The following KIAA0319L variants were observed in gnomAD, a reference collection of about 807,000 sequenced individuals.
KIAA0319L encodes the protein dyslexia-associated protein KIAA0319-like protein.
KIAA0319L carries 55 observed loss-of-function variants against 120.1 expected under a neutral mutation model. That is an observed-to-expected ratio of 0.46 (90% CI 0.37 to 0.57). The LOEUF (loss-of-function observed/expected upper bound fraction) is 0.57, where lower values mean the gene tolerates loss of function less well. KIAA0319L is among the 20% of genes least tolerant of loss of function. The pLI, the probability that KIAA0319L is intolerant of heterozygous loss-of-function variation, is 0.00. For missense variants in KIAA0319L, 1,049 were observed against 1,255.3 expected, an observed-to-expected ratio of 0.84 and a Z score of 2.48; for synonymous variants, 398 against 471.9, an observed-to-expected ratio of 0.84 and a Z score of 2.03.
chr1:35,484,789 TATATATATATATATA>T (rs1223586414), intron 3 of KIAA0319L, among the ~76,000 whole-genome samples: 3,106 of 67,646 alleles, frequency 0.046, 245 homozygotes, highest in East Asian at 0.23. Flanking sequence ...TATATATATA[TATATATATATATATA>T]TATTTTTTTT....
chr1:35,482,103 C>T (rs1014324085), intron 3 of KIAA0319L, among the ~76,000 whole-genome samples: 4 of 151,960 alleles, frequency 2.6e-5, no homozygotes, highest in Non-Finnish European at 5.9e-5. Flanking sequence ...GGATTACAGG[C>T]GTGAGCCACC....
intron 7 of KIAA0319L, among the ~76,000 whole-genome samples, chr1:35,465,934 C>T (rs1643232295): frequency 6.6e-6 from 1 of 152,162 alleles, no homozygotes; most frequent in Non-Finnish European, 1.5e-5. Flanking sequence ...TTGTCTTCCA[C>T]CATGATTGTG....
intron 6 of KIAA0319L, among the ~76,000 whole-genome samples, chr1:35,467,829 C>T (rs908776891): frequency 7.9e-5 from 12 of 152,072 alleles, no homozygotes; most frequent in Admixed American, 6.5e-4. Context: ...GCTGGGACTA[C>T]AGGCCTGCAC....
At chr1:35,454,253 C>G (rs772082636) in intron 11 of KIAA0319L, 109 bp downstream of exon 11, 37 of 1,101,768 alleles carry the variant, frequency 3.4e-5, no homozygotes, top group Non-Finnish European at 4.8e-5. Context: ...CTCTATGGAT[C>G]GGTGCCTTCT....
intron 2 of KIAA0319L, among the ~76,000 whole-genome samples, chr1:35,513,303 T>TTTC (rs1645549218): frequency 7.0e-6 from 1 of 143,490 alleles, no homozygotes; most frequent in Non-Finnish European, 1.5e-5. Context: ...TTTTTTTTTT[T>TTTC]TTTTCTGTCC....
intron 2 of KIAA0319L, among the ~76,000 whole-genome samples, chr1:35,529,618 C>G (rs999663327): frequency 6.6e-6 from 1 of 152,220 alleles, no homozygotes. Flanking sequence ...CCCTTCAGCA[C>G]TTTGAATATA....
chr1:35,548,943 C>T (rs1647090402), intron 2 of KIAA0319L, among the ~76,000 whole-genome samples: 1 of 152,190 alleles, frequency 6.6e-6, no homozygotes, highest in Admixed American at 6.5e-5. Flanking sequence ...GTTCAGGCAT[C>T]AGCTTCTCTA....
rs34021272 is a variant in KIAA0319L, at chr1:35,452,825, T to TCAAACAAA, written c.1913+724_1913+731dup. Among the ~76,000 whole-genome samples the TCAAACAAA allele has an allele frequency of 6.9e-3, 1,040 of 151,442 alleles. 9 individuals carry two copies. Among genetic ancestry groups the TCAAACAAA allele is most frequent in the African/African-American group, 0.016 (675 of 41,216 alleles). ...TTTCCACCCATCTCCAATGCCTTTG[T>TCAAACAAA]CAAACAAACAAACAAACAAACAAAC... On this transcript the variant is annotated intron_variant, in intron 12 of 20. Transcript: ENST00000325722.
chr1:35,521,227 A>G (rs557850155), intron 2 of KIAA0319L, among the ~76,000 whole-genome samples: 3 of 152,252 alleles, frequency 2.0e-5, no homozygotes, highest in South Asian at 2.1e-4. Context: ...AATCCCAGCA[A>G]CTGGGGGAGG....
In KIAA0319L at chr1:35,442,995, C is replaced by T. The variant is rs1402450023; in HGVS notation, c.2690G>A (p.Cys897Tyr). The T allele has an allele frequency of 1.2e-6, 2 of 1,614,078 alleles. No individual in the cohort carries two copies. Among genetic ancestry groups the T allele is most frequent in the Admixed American group, 1.7e-5 (1 of 60,000 alleles). ...GATACAGCGTTTGGTGAACGAGTCACAGTGGCCATGGTCGGAACAGTTCAG... is the reference window on the plus strand; with the variant it reads ...GATACAGCGTTTGGTGAACGAGTCATAGTGGCCATGGTCGGAACAGTTCAG... ...CQLNCSDHGHCDSFTKRCICD... is the reference protein window; with the variant it reads ...CQLNCSDHGHYDSFTKRCICD... Residue 897 changes from cysteine (C) to tyrosine (Y), a missense_variant, in exon 18 of 21, where the codon TGT becomes TAT. Cys to Tyr is a radical substitution (Grantham distance 194). Transcript: ENST00000325722.
intron 16 of KIAA0319L, among the ~76,000 whole-genome samples, 175 bp downstream of exon 16, chr1:35,447,998 T>C (rs1211057307): frequency 1.3e-5 from 2 of 152,208 alleles, no homozygotes; most frequent in African/African-American, 2.4e-5. Flanking sequence ...AAGTGTCTAG[T>C]ACAGCGCATG....
chr1:35,528,091 T>C (rs1210635714), intron 2 of KIAA0319L, among the ~76,000 whole-genome samples: 1 of 152,186 alleles, frequency 6.6e-6, no homozygotes, highest in Non-Finnish European at 1.5e-5. Flanking sequence ...TTAAGAAATT[T>C]TTTTTCTTCT....
chr1:35,489,849 T>C (rs1644527133), intron 3 of KIAA0319L, among the ~76,000 whole-genome samples: 1 of 151,778 alleles, frequency 6.6e-6, no homozygotes, highest in African/African-American at 2.4e-5. Flanking sequence ...GTATTTTGAG[T>C]AGAGAAAGGG....
At chr1:35,529,665 G>A (rs1010947208) in intron 2 of KIAA0319L, among the ~76,000 whole-genome samples, 1 of 152,136 alleles carries the variant, frequency 6.6e-6, no homozygotes, top group African/African-American at 2.4e-5. Context: ...GGTTTCTGCT[G>A]AGAAATCTGC....
chr1:35,514,771 G>A (rs569562890), intron 2 of KIAA0319L, among the ~76,000 whole-genome samples: 58 of 152,240 alleles, frequency 3.8e-4, no homozygotes, highest in African/African-American at 1.3e-3. Context: ...AAGAAACGTG[G>A]ACTCCCACAC....
Position 35,450,500 on chromosome 1 carries a change from T to C in KIAA0319L, c.2072A>G (p.Lys691Arg), listed in dbSNP as rs1641979819. Residue 691 changes from lysine to arginine, a missense_variant, in exon 14 of 21, where the codon AAA becomes AGA. Lys to Arg is a conservative substitution (Grantham distance 26). Transcript: ENST00000325722. ...VNVIVKEEIN[K>R]PPIAKITGNV... ...CCCAGTTATCTTGGCTATAGGTGGT[T>C]TGTTTATTTCTAATCAAAAAGAAAT... 2 of 1,611,974 alleles carry C rather than the reference T, an allele frequency of 1.2e-6. No homozygotes were observed. The highest frequency in any genetic ancestry group is 1.3e-5 in the African/African-American group (1 of 74,886).
In KIAA0319L at chr1:35,479,089, T is replaced by G; in HGVS notation, c.790A>C (p.Thr264Pro). 1.2e-6 allele frequency: 2 copies of G among 1,614,158 alleles called. No homozygotes were observed. The highest frequency in any genetic ancestry group is 1.7e-6 in the Non-Finnish European group (2 of 1,180,028). ...TTCTCAGAACTTTTTACTTGTTGAG[T>G]GCTGGGCGTAGTAGCAAGACCCTCT... Reference protein sequence around the residue: ...ISEGLATTPSTQQVKSSEKTQ... With the variant: ...ISEGLATTPSPQQVKSSEKTQ... Residue 264 changes from threonine (T) to proline (P), a missense_variant, in exon 4 of 21, where the codon ACT becomes CCT. By Grantham distance (38) the Thr-to-Pro change is conservative (BLOSUM62 -1). Transcript: ENST00000325722.
At chr1:35,457,255 A>T (rs1642539431) in intron 9 of KIAA0319L, among the ~76,000 whole-genome samples, 1 of 152,132 alleles carries the variant, frequency 6.6e-6, no homozygotes, top group Admixed American at 6.6e-5. Flanking sequence ...TCTTAAGAAG[A>T]GGTAATTCTT....
At chr1:35,544,363 A>G (rs1646906945) in intron 2 of KIAA0319L, among the ~76,000 whole-genome samples, 1 of 147,452 alleles carries the variant, frequency 6.8e-6, no homozygotes, top group African/African-American at 2.6e-5. Flanking sequence ...ACTGAGACTC[A>G]ATCTCAAAAA....
Sources: allele counts gnomAD v4.1 joint callset (sites outside exome capture counted in the v4.1 genomes callset), GRCh38; gene constraint gnomAD v4.1.1; transcripts MANE v1.5; gene names NCBI Gene and HGNC (gene_info 2026-07-23, HGNC 2026-07-21).